NUP62CL: variants seen among roughly 807,000 people sequenced by gnomAD.
NUP62CL encodes the protein nucleoporin-62 C-terminal-like protein.
A neutral mutation model predicts 15.3 loss-of-function variants in NUP62CL; 13 were observed. The ratio of observed to expected loss-of-function variants is 0.85; its 90% CI spans 0.55 to 1.35. The LOEUF (loss-of-function observed/expected upper bound fraction) is 1.35. Ranked by LOEUF, NUP62CL falls within the 40% of genes most tolerant of loss-of-function variation. The pLI, the probability that NUP62CL is intolerant of heterozygous loss-of-function variation, is 0.00. For synonymous variants in NUP62CL, 54 were observed against 49.2 expected (o/e 1.10, Z -0.41); for missense variants, 123 against 130.6 (o/e 0.94, Z 0.28).
chrX:107,202,475 T>TGTTA (rs756199101), intron 1 of NUP62CL: 6 of 110,520 alleles, frequency 5.4e-5, no homozygotes, highest in Non-Finnish European at 9.4e-5. Context: ...ACAGTGTGAG[T>TGTTA]GTTACTATGG....
At position 107,167,643 on chromosome X, in the gene NUP62CL, G is replaced by A; in HGVS notation, c.194+6C>T. ...CACATGCAAGTTTTTAAATAAATAGGCTTACCTAACAGTTGAAGTATAAGG... is the reference window on the plus strand; with the variant it reads ...CACATGCAAGTTTTTAAATAAATAGACTTACCTAACAGTTGAAGTATAAGG... On this transcript the variant is annotated splice_donor_region_variant and intron_variant, in intron 4 of 8. Transcript: ENST00000372466. 1 of 1,153,602 alleles carries A rather than the reference G, an allele frequency of 8.7e-7. No homozygotes were observed. The highest frequency in any genetic ancestry group is 1.2e-6 in the Non-Finnish European group (1 of 855,825).
In NUP62CL at chrX:107,167,773, T is replaced by C. The variant is rs368654503; in HGVS notation, c.70A>G (p.Thr24Ala). 2.0e-5 allele frequency: 24 copies of C among 1,192,164 alleles called. No individual in the cohort carries two copies. In the African/African-American group the frequency reaches 3.7e-4, roughly 18 times the overall value. The change falls in exon 4 of 9, where the codon ACG (threonine) becomes GCG (alanine). Residue 24 changes from threonine to alanine, a missense_variant. Transcript: ENST00000372466. ...AAIGLSFTTSTTTTATFTTNT... is the reference protein window; with the variant it reads ...AAIGLSFTTSATTTATFTTNT... ...GTGGTGAAAGTGGCGGTGGTAGTCG[T>C]TGAAGTTGTAACTGGAAAATAAAGT...
intron 7 of NUP62CL, among the ~76,000 whole-genome samples, chrX:107,152,911 A>G (rs1194683356): frequency 8.9e-6 from 1 of 112,317 alleles, no homozygotes; most frequent in African/African-American, 3.2e-5. Context: ...TTTACAGTGA[A>G]CATGCATAAG....
At chrX:107,170,298 CTG>C (rs1297834661) in intron 3 of NUP62CL, among the ~76,000 whole-genome samples, 1 of 111,035 alleles carries the variant, frequency 9.0e-6, no homozygotes, top group Non-Finnish European at 1.9e-5. Context: ...AAAAGATAAA[CTG>C]TTCTCTCTAG....
intron 8 of NUP62CL, among the ~76,000 whole-genome samples, chrX:107,137,311 TC>T (rs1319674821): frequency 2.7e-5 from 3 of 111,800 alleles, no homozygotes; most frequent in African/African-American, 9.8e-5. Flanking sequence ...CTGAAGACTT[TC>T]CACATAAGAT....
chrX:107,168,022 G>GC (rs1350811700), intron 3 of NUP62CL, among the ~76,000 whole-genome samples: 5 of 111,204 alleles, frequency 4.5e-5, no homozygotes, highest in Non-Finnish European at 9.4e-5. Context: ...CTTCTAACCA[G>GC]CCCAATAACC....
intron 2 of NUP62CL, among the ~76,000 whole-genome samples, chrX:107,178,624 C>T (rs775527715): frequency 8.0e-4 from 89 of 111,758 alleles, no homozygotes; most frequent in Middle Eastern, 4.6e-3. Context: ...TGTACTTGCA[C>T]CTATTATTGC....
chrX:107,175,901 A>G, intron 2 of NUP62CL, among the ~76,000 whole-genome samples: 1 of 110,858 alleles, frequency 9.0e-6, no homozygotes, highest in Non-Finnish European at 1.9e-5. Flanking sequence ...CCCTTCCTTT[A>G]CTCACAGGGT....
At chrX:107,131,644 G>A (rs1045944034) in intron 8 of NUP62CL, 2 of 563,602 alleles carry the variant, frequency 3.5e-6, no homozygotes, top group Admixed American at 4.8e-5. Flanking sequence ...CCAAGGCCGC[G>A]GCCGACTAGC....
At position 107,167,695 on chromosome X, in the gene NUP62CL, A is replaced by G. The variant is rs568817264; in HGVS notation, c.148T>C (p.Leu50=). The G allele has an allele frequency of 1.2e-5, 14 of 1,208,272 alleles. No homozygotes were observed. The South Asian group carries it at 2.5e-4, about 21-fold the overall frequency. ...SGFTVNQNQL[L]SRGFENLVPY... ...ACAAGGTTTTCAAACCCTCTTGATAACAGTTGGTTTTGGTTCACAGTAAAG... is the reference window on the plus strand; with the variant it reads ...ACAAGGTTTTCAAACCCTCTTGATAGCAGTTGGTTTTGGTTCACAGTAAAG... The change falls in exon 4 of 9, where the codon TTA becomes CTA. Residue 50 remains leucine (L), a synonymous_variant. Coordinates refer to ENST00000372466, the MANE Select transcript of NUP62CL (RefSeq NM_017681.3).
At chrX:107,138,444 G>C (rs750336521) in intron 8 of NUP62CL, among the ~76,000 whole-genome samples, 11 of 111,834 alleles carry the variant, frequency 9.8e-5, no homozygotes, top group Non-Finnish European at 1.3e-4. Flanking sequence ...TAGAACACAT[G>C]AAGATTCTCA....
In NUP62CL at chrX:107,191,435, C is replaced by T. The variant is rs775152754; in HGVS notation, c.-48+1594G>A. On this transcript the variant is annotated intron_variant, in intron 2 of 8. Transcript: ENST00000372466. The stretch of plus-strand genomic sequence containing the variant: ...AGACAAAAGGACTTATATGGCCGGG[C>T]GCCGTGGCTCACACCTGTAATCCCA... Among the ~76,000 whole-genome samples the T allele has an allele frequency of 3.6e-5, 4 of 110,027 alleles. No homozygotes were observed. In the East Asian group the frequency reaches 8.6e-4, roughly 24 times the overall value.
chrX:107,133,089 T>C (rs970861732), intron 8 of NUP62CL, among the ~76,000 whole-genome samples: 1 of 111,669 alleles, frequency 9.0e-6, no homozygotes, highest in African/African-American at 3.3e-5. Flanking sequence ...TCTCCTTTCC[T>C]TGCTGTCTGT....
intron 4 of NUP62CL, among the ~76,000 whole-genome samples, chrX:107,154,770 C>T (rs771667535): frequency 4.5e-5 from 5 of 111,902 alleles, no homozygotes; most frequent in Non-Finnish European, 9.4e-5. Context: ...CAGAGCCAGT[C>T]AATGGTGATT....
chrX:107,171,797 G>A (rs904085357), intron 3 of NUP62CL, among the ~76,000 whole-genome samples: 1 of 110,788 alleles, frequency 9.0e-6, no homozygotes, highest in Non-Finnish European at 1.9e-5. Context: ...TATAGATAAG[G>A]GCTGGGTATG....
intron 8 of NUP62CL, among the ~76,000 whole-genome samples, chrX:107,141,797 T>C (rs754280762): frequency 3.2e-4 from 36 of 111,043 alleles, no homozygotes; most frequent in African/African-American, 1.1e-3. Context: ...TGGTGGCTCA[T>C]GCTTGTAATC....
Position 107,151,048 on chromosome X carries a change from C to G in NUP62CL, c.530+2124G>C. ...TTGTTATTGATATATAAACATGACA[C>G]TACCAATTGGATTTGCCCTAATTCC... On this transcript the variant is annotated intron_variant, in intron 7 of 8. Transcript: ENST00000372466. 9.9e-6 allele frequency: 3 copies of G among 302,929 alleles called. No homozygotes were observed. In the East Asian group the frequency reaches 3.0e-4, roughly 31 times the overall value. 25.0% of individuals were successfully genotyped at this position (302,929 alleles called of 1,213,427 possible).
intron 3 of NUP62CL, among the ~76,000 whole-genome samples, chrX:107,173,893 G>A (rs1285590384): frequency 9.0e-6 from 1 of 110,796 alleles, no homozygotes; most frequent in Non-Finnish European, 1.9e-5. Flanking sequence ...GGCTATTACA[G>A]CTAGGATTAC....
At chrX:107,205,810 G>T (rs1265297455) in intron 1 of NUP62CL, among the ~76,000 whole-genome samples, 3 of 110,606 alleles carry the variant, frequency 2.7e-5, no homozygotes, top group East Asian at 2.9e-4. Context: ...CGAGCGGCGC[G>T]CCTGCTTTTC....
Sources: allele counts gnomAD v4.1 joint callset (sites outside exome capture counted in the v4.1 genomes callset), GRCh38; gene constraint gnomAD v4.1.1; transcripts MANE v1.5; gene names NCBI Gene and HGNC (gene_info 2026-07-23, HGNC 2026-07-21).